Variants in E2F2 observed in about 807,000 individuals in gnomAD.
The protein encoded by E2F2 is transcription factor E2F2.
E2F2 carries 22 observed loss-of-function variants against 42.2 expected under a neutral mutation model. The ratio of observed to expected loss-of-function variants is 0.52; its 90% CI spans 0.37 to 0.74. The LOEUF is 0.74. E2F2 is among the 30% of genes least tolerant of loss of function. The pLI, the probability that E2F2 is intolerant of heterozygous loss-of-function variation, is 0.00. For missense variants in E2F2, 481 were observed against 557.8 expected (o/e 0.86, Z 1.39); for synonymous variants, 248 against 251.6 (o/e 0.99, Z 0.13).
chr1:23,526,064 C>G (rs1290176761), intron 1 of E2F2, among the ~76,000 whole-genome samples: 1 of 152,086 alleles, frequency 6.6e-6, no homozygotes, highest in African/African-American at 2.4e-5. Context: ...GAGCCCTGCT[C>G]CTTGGTTTGA....
intron 6 of E2F2, among the ~76,000 whole-genome samples, chr1:23,514,122 T>A (rs1476049199): frequency 2.9e-5 from 3 of 103,008 alleles, no homozygotes; most frequent in Non-Finnish European, 6.4e-5. Flanking sequence ...AGACTCTGTC[T>A]TAAAAAAAAA....
chr1:23,516,919 C>T (rs1162568231), intron 5 of E2F2, among the ~76,000 whole-genome samples: 1 of 151,928 alleles, frequency 6.6e-6, no homozygotes, highest in Non-Finnish European at 1.5e-5. Context: ...CCAACCAGCA[C>T]TAGGCCCAGG....
chr1:23,520,864 T>A (rs780018800), intron 4 of E2F2, 49 bp downstream of exon 4: 2 of 1,485,892 alleles, frequency 1.3e-6, no homozygotes, highest in Non-Finnish European at 9.0e-7. Flanking sequence ...GATATAAACA[T>A]GCAACAGGTT....
chr1:23,519,190 C>G (rs1643088863), intron 4 of E2F2, 60 bp from the exon 5 acceptor site: 2 of 1,254,198 alleles, frequency 1.6e-6, no homozygotes, highest in African/African-American at 1.5e-5. Context: ...CCAAACCTGC[C>G]AGGGAGCACC....
chr1:23,518,890 TG>T, intron 5 of E2F2, 125 bp downstream of exon 5: 1 of 655,084 alleles, frequency 1.5e-6, no homozygotes. Context: ...AATATTGCCA[TG>T]GACACCACAA....
At chr1:23,516,824 C>G (rs1353453243) in intron 5 of E2F2, among the ~76,000 whole-genome samples, 1 of 151,132 alleles carries the variant, frequency 6.6e-6, no homozygotes, top group Non-Finnish European at 1.5e-5. Flanking sequence ...GCACCCTTCC[C>G]CAATGCCAGT....
intron 5 of E2F2, among the ~76,000 whole-genome samples, chr1:23,517,597 G>T (rs114207316): frequency 2.4e-3 from 361 of 152,314 alleles, no homozygotes; most frequent in African/African-American, 8.4e-3. Flanking sequence ...AATATGCCAG[G>T]CTCTGGGCAA....
chr1:23,509,872 A>C lies in E2F2; in HGVS notation c.*8T>G, dbSNP rs2075993. The C allele has an allele frequency of 6.6e-7, 1 of 1,525,698 alleles. No homozygotes were observed. Among genetic ancestry groups the C allele is most frequent in the Non-Finnish European group, 8.8e-7 (1 of 1,132,662 alleles). The allele number at this position is 1,525,698 out of a possible 1,614,324, so 94.5% of individuals were successfully genotyped here. The stretch of plus-strand genomic sequence containing the variant: ...CGGGGGCAGGCTGCTGGGGGCAGGC[A>C]GGGCCACTCAATTAATCAACAGGTC... On this transcript the variant is annotated 3_prime_UTR_variant, in exon 7 of 7. Coordinates refer to ENST00000361729, the MANE Select transcript of E2F2 (RefSeq NM_004091.4).
intron 2 of E2F2, among the ~76,000 whole-genome samples, chr1:23,522,982 A>C (rs1256439634): frequency 6.6e-6 from 1 of 152,126 alleles, no homozygotes; most frequent in Non-Finnish European, 1.5e-5. Flanking sequence ...ATGTAGAGGA[A>C]ACTTTCTTGC....
At chr1:23,525,308 G>T (rs1228676614) in intron 1 of E2F2, among the ~76,000 whole-genome samples, 2 of 152,078 alleles carry the variant, frequency 1.3e-5, no homozygotes, top group African/African-American at 4.8e-5. Flanking sequence ...CCCCAATTAG[G>T]CCCAGAGCTG....
rs747923738 is a variant in E2F2, at chr1:23,530,533, C to G, written c.252+9G>C. 1.1e-5 allele frequency: 17 copies of G among 1,610,702 alleles called. No individual in the cohort carries two copies. The African/African-American group carries it at 2.1e-4, about 20-fold the overall frequency. Reference sequence around the variant, plus strand: ...CATAGGGGGAAGCGGTGGGGGCCCCCAGCATTACCGGCAGCCGGCCTGCCG... The same window carrying G: ...CATAGGGGGAAGCGGTGGGGGCCCCGAGCATTACCGGCAGCCGGCCTGCCG... On this transcript the variant is annotated intron_variant, in intron 1 of 6. Coordinates refer to ENST00000361729, the MANE Select transcript of E2F2 (RefSeq NM_004091.4). This position sits in a 1 kb window ranked among gnomAD's most constrained non-coding sequence, Gnocchi z 4.4.
At chr1:23,516,574 C>G (rs1182773893) in intron 5 of E2F2, 47 bp from the exon 6 acceptor site, 1 of 1,503,928 alleles carries the variant, frequency 6.6e-7, no homozygotes, top group Non-Finnish European at 9.1e-7. Context: ...CAGCTGGACA[C>G]TTACACTTAG....
At chr1:23,527,241 G>A (rs879848887) in intron 1 of E2F2, among the ~76,000 whole-genome samples, 7 of 152,234 alleles carry the variant, frequency 4.6e-5, no homozygotes, top group Non-Finnish European at 8.8e-5. Flanking sequence ...TTGCCCATAG[G>A]GAGTGCCCCC....
chr1:23,522,925 C>T (rs1643180425), intron 2 of E2F2, among the ~76,000 whole-genome samples: 1 of 152,132 alleles, frequency 6.6e-6, no homozygotes, highest in African/African-American at 2.4e-5. Flanking sequence ...TTATCATGAG[C>T]CTCAGGATCC....
rs1015964902 is a variant in E2F2 at position 23,531,004 on chromosome 1, C to T, written c.-211G>A. On this transcript the variant is annotated 5_prime_UTR_variant, in exon 1 of 7. Coordinates refer to ENST00000361729, the MANE Select transcript of E2F2 (RefSeq NM_004091.4). ...TAGAGATCGCCGCTTGGAGATCGCC[C>T]GGCGGCTGCGGTGGTGGCACTGCCA... 1.2e-5 allele frequency: 6 copies of T among 516,766 alleles called. No individual in the cohort carries two copies. The highest frequency in any genetic ancestry group is 1.0e-4 in the African/African-American group (5 of 49,876). The allele number at this position is 516,766 out of a possible 1,614,324, so 32.0% of individuals were successfully genotyped here.
rs1643333501 is a variant in E2F2, at chr1:23,531,033, G to T, written c.-240C>A. 2 of 442,178 alleles carry T rather than the reference G, an allele frequency of 4.5e-6. No homozygotes were observed. Among genetic ancestry groups the T allele is most frequent in the Non-Finnish European group, 7.7e-6 (2 of 259,924 alleles). The allele number at this position is 442,178 out of a possible 1,614,324, so 27.4% of individuals were successfully genotyped here. ...GGCTGCGGTGGTGGCACTGCCAGGG[G>T]CTGTCTCGTCCCGAGGGCACCGCGA... On this transcript the variant is annotated 5_prime_UTR_variant, in exon 1 of 7. Transcript: ENST00000361729.
intron 1 of E2F2, among the ~76,000 whole-genome samples, chr1:23,529,886 A>G (rs1017590438): frequency 6.6e-6 from 1 of 152,166 alleles, no homozygotes; most frequent in African/African-American, 2.4e-5. Context: ...TGGTGCCACT[A>G]CACTTTGGGC....
In E2F2 at chr1:23,519,000, A is replaced by G. The variant is rs1643082922; in HGVS notation, c.852+16T>C. On this transcript the variant is annotated intron_variant, in intron 5 of 6. Transcript: ENST00000361729. ...GGGTCTCAACCCTGCTCTCCACCAA[A>G]TATTTCCCCTCTCACCTCAGTCCTG... 6.2e-7 allele frequency: 1 copy of G among 1,609,504 alleles called. No individual in the cohort carries two copies. Among genetic ancestry groups the G allele is most frequent in the Non-Finnish European group, 8.5e-7 (1 of 1,176,468 alleles).
rs1642810299 is a variant in E2F2 at position 23,507,081 on chromosome 1, T to C, written c.*2799A>G. 1 of 151,416 alleles carries C rather than the reference T, an allele frequency of 6.6e-6. No individual in the cohort carries two copies. The highest frequency in any genetic ancestry group is 3.3e-3 in the Middle Eastern group (1 of 304). 9.4% of individuals were successfully genotyped at this position (151,416 alleles called of 1,614,324 possible). On this transcript the variant is annotated 3_prime_UTR_variant, in exon 7 of 7. Transcript: ENST00000361729. ...TGGATGATTTCCTGGAGCCCCAAGC[T>C]TTAGAAGTCCCTGGGGACACGAGTG...
Sources: allele counts gnomAD v4.1 joint callset (sites outside exome capture counted in the v4.1 genomes callset), GRCh38; gene constraint gnomAD v4.1.1; non-coding constraint Gnocchi (gnomAD v3.1); transcripts MANE v1.5; gene names NCBI Gene and HGNC (gene_info 2026-07-23, HGNC 2026-07-21).